Variants in SVOPL observed in about 807,000 individuals in gnomAD.
The protein encoded by SVOPL is putative transporter SVOPL.
SVOPL carries 60 observed loss-of-function variants against 61.0 expected under a neutral mutation model. The ratio of observed to expected loss-of-function variants is 0.98; its 90% CI spans 0.80 to 1.22. The LOEUF (loss-of-function observed/expected upper bound fraction) is 1.22, where lower values mean the gene tolerates loss of function less well. Ranked by LOEUF, SVOPL falls within the 50% of genes most tolerant of loss-of-function variation. The pLI, the probability that SVOPL is intolerant of heterozygous loss-of-function variation, is 0.00. For synonymous variants in SVOPL, 279 were observed against 250.0 expected, an observed-to-expected ratio of 1.12 and a Z score of -1.09; for missense variants, 662 against 643.9, an observed-to-expected ratio of 1.03 and a Z score of -0.30.
intron 1 of SVOPL, among the ~76,000 whole-genome samples, chr7:138,692,438 T>C (rs951795572): frequency 2.6e-5 from 4 of 152,108 alleles, no homozygotes; most frequent in Non-Finnish European, 5.9e-5. Context: ...GCCAAACACA[T>C]ATAAACGCTC....
At chr7:138,655,643 T>C (rs1356559362) in intron 7 of SVOPL, among the ~76,000 whole-genome samples, 1 of 55,522 alleles carries the variant, frequency 1.8e-5, no homozygotes, top group Non-Finnish European at 4.8e-5. Flanking sequence ...TATACTATTA[T>C]ATATATATTA....
At position 138,612,447 on chromosome 7, in the gene SVOPL, TAAAAA is replaced by T. The variant is rs59229265; in HGVS notation, c.1353+8594_1353+8598del. The stretch of plus-strand genomic sequence containing the variant: ...AATAAAATAAAAAATAAAAAAAAAA[TAAAAA>T]AAAAAAAAAAAGAAAGATAAGACTT... On this transcript the variant is annotated intron_variant, in intron 14 of 15. Transcript: ENST00000674285. Among the ~76,000 whole-genome samples the T allele has an allele frequency of 2.2e-3, 49 of 22,320 alleles. 7 individuals carry two copies. The highest frequency in any genetic ancestry group is 7.7e-3 in the African/African-American group (48 of 6,260). 14.6% of individuals were successfully genotyped at this position (22,320 alleles called of 152,430 possible). A position where few individuals can be genotyped will look rare whatever the true frequency, so the allele number is the denominator to read the frequency against.
chr7:138,619,029 G>T (rs923406398), intron 14 of SVOPL, among the ~76,000 whole-genome samples: 2 of 152,122 alleles, frequency 1.3e-5, no homozygotes, highest in African/African-American at 4.8e-5. Context: ...CAGGGAAAAT[G>T]TTCCAGGTGG....
At chr7:138,693,748 A>C (rs1420719563) in intron 1 of SVOPL, among the ~76,000 whole-genome samples, 2 of 152,138 alleles carry the variant, frequency 1.3e-5, no homozygotes, top group Non-Finnish European at 2.9e-5. Flanking sequence ...AAGCTGAAGC[A>C]GGAGATCACT....
At chr7:138,638,246 C>T (rs1168934641) in intron 9 of SVOPL, among the ~76,000 whole-genome samples, 1 of 132,090 alleles carries the variant, frequency 7.6e-6, no homozygotes. Flanking sequence ...GTACTCTAGC[C>T]TGGGCAGCAG....
chr7:138,636,351 AAAAG>A (rs1207706753), intron 9 of SVOPL, among the ~76,000 whole-genome samples: 1 of 152,250 alleles, frequency 6.6e-6, no homozygotes, highest in African/African-American at 2.4e-5. Flanking sequence ...GAGAAAAATA[AAAAG>A]AAATAAATTG....
intron 1 of SVOPL, among the ~76,000 whole-genome samples, chr7:138,696,105 GT>G (rs1227009521): frequency 6.6e-6 from 1 of 151,962 alleles, no homozygotes; most frequent in African/African-American, 2.4e-5. Context: ...TAGAAAGACT[GT>G]TTTCCTTCAC....
chr7:138,623,416 A>C (rs1563097702), intron 13 of SVOPL, among the ~76,000 whole-genome samples: 1 of 152,078 alleles, frequency 6.6e-6, no homozygotes, highest in Non-Finnish European at 1.5e-5. Flanking sequence ...CTGGCTAACA[A>C]GGTAAAACCC....
intron 2 of SVOPL, among the ~76,000 whole-genome samples, chr7:138,678,759 C>A (rs367963833): frequency 2.0e-5 from 3 of 152,100 alleles, no homozygotes; most frequent in Non-Finnish European, 4.4e-5. Context: ...TTAGTAGAGA[C>A]GGGATTTCAC....
At chr7:138,630,924 C>T (rs897795134) in intron 9 of SVOPL, among the ~76,000 whole-genome samples, 10 of 134,620 alleles carry the variant, frequency 7.4e-5, no homozygotes, top group East Asian at 6.4e-4. Flanking sequence ...GCCTGGGCAA[C>T]GAGAGTGAAA....
intron 7 of SVOPL, among the ~76,000 whole-genome samples, chr7:138,649,350 G>A (rs193037642): frequency 1.1e-4 from 16 of 152,292 alleles, no homozygotes; most frequent in South Asian, 6.2e-4. Flanking sequence ...CTGGAGTGCA[G>A]TGATCCAACC....
chr7:138,652,392 A>G (rs1584837412), intron 7 of SVOPL, among the ~76,000 whole-genome samples: 1 of 151,724 alleles, frequency 6.6e-6, no homozygotes, highest in East Asian at 2.0e-4. Flanking sequence ...TCACTGTGTT[A>G]TCTAGGCTGG....
intron 7 of SVOPL, 115 bp from the exon 8 acceptor site, chr7:138,649,252 C>T: frequency 1.5e-6 from 2 of 1,327,998 alleles, no homozygotes; most frequent in South Asian, 3.4e-5. Context: ...CCATGTGCTT[C>T]ACATATCTTC....
Position 138,594,556 on chromosome 7 carries a change from G to A in SVOPL, c.*54C>T. 2 of 1,558,072 alleles carry A rather than the reference G, an allele frequency of 1.3e-6. No individual in the cohort carries two copies. The highest frequency in any genetic ancestry group is 2.3e-5 in the East Asian group (1 of 44,204). ...CCAAGTTTTAAAAAAATGCACCGCAGTTCTGAAGATAGAATTCATTTTTCT... is the reference window on the plus strand; with the variant it reads ...CCAAGTTTTAAAAAAATGCACCGCAATTCTGAAGATAGAATTCATTTTTCT... On this transcript the variant is annotated 3_prime_UTR_variant, in exon 16 of 16. Transcript: ENST00000674285.
chr7:138,689,331 C>T (rs990001179), intron 1 of SVOPL: 1 of 1,591,440 alleles, frequency 6.3e-7, no homozygotes, highest in African/African-American at 1.3e-5. Flanking sequence ...TGAGCATATC[C>T]AAGTGAACAA....
At chr7:138,655,512 TAAAATA>T (rs1360004369) in intron 7 of SVOPL, among the ~76,000 whole-genome samples, 2 of 151,600 alleles carry the variant, frequency 1.3e-5, no homozygotes, top group South Asian at 2.1e-4. Flanking sequence ...TTTCAAAAAA[TAAAATA>T]AAAATATCAG....
chr7:138,594,515 G>T lies in SVOPL; in HGVS notation c.*95C>A. The T allele has an allele frequency of 8.6e-7, 1 of 1,157,304 alleles. No individual in the cohort carries two copies. The highest frequency in any genetic ancestry group is 1.2e-6 in the Non-Finnish European group (1 of 804,688). The allele number at this position is 1,157,304 out of a possible 1,614,324, so 71.7% of individuals were successfully genotyped here. Reference sequence around the variant, plus strand: ...AAATCACTTTACTAATTACCGAGTAGCATACAGAAGTAAAACCAAGTTTTA... The same window carrying T: ...AAATCACTTTACTAATTACCGAGTATCATACAGAAGTAAAACCAAGTTTTA... On this transcript the variant is annotated 3_prime_UTR_variant, in exon 16 of 16. Coordinates refer to ENST00000674285, the MANE Select transcript of SVOPL (RefSeq NM_001139456.2).
At chr7:138,678,897 T>C (rs947490600) in intron 2 of SVOPL, 67 bp downstream of exon 2, 2 of 1,487,744 alleles carry the variant, frequency 1.3e-6, no homozygotes, top group African/African-American at 2.8e-5. Flanking sequence ...CTTTTTGCAT[T>C]TAACCTTAAA....
intron 14 of SVOPL, among the ~76,000 whole-genome samples, chr7:138,620,494 A>G (rs984845433): frequency 6.7e-6 from 1 of 149,528 alleles, no homozygotes; most frequent in Non-Finnish European, 1.5e-5. Context: ...CAAGCTCCAT[A>G]GCCCTCTGAG....
Sources: allele counts gnomAD v4.1 joint callset (sites outside exome capture counted in the v4.1 genomes callset), GRCh38; gene constraint gnomAD v4.1.1; transcripts MANE v1.5; gene names NCBI Gene and HGNC (gene_info 2026-07-23, HGNC 2026-07-21).